SYNE2: variants seen among roughly 807,000 people sequenced by gnomAD.
The protein encoded by SYNE2 is spectrin repeat containing nuclear envelope protein 2.
Under a neutral mutation model 856.3 loss-of-function variants are expected in SYNE2, and 431 were observed. That is an observed-to-expected ratio of 0.50 (90% confidence interval 0.47 to 0.55). The LOEUF is 0.55. Among genes scored for constraint, SYNE2 ranks in the 20% least tolerant of loss-of-function variants. The pLI, the probability that SYNE2 is intolerant of heterozygous loss-of-function variation, is 0.00. For synonymous variants in SYNE2, 2,923 were observed against 2,872.3 expected, an observed-to-expected ratio of 1.02 and a Z score of -0.56; for missense variants, 8,129 against 8,023.2, an observed-to-expected ratio of 1.01 and a Z score of -0.50.
At chr14:64,013,273 T>A (rs1434393283) in intron 32 of SYNE2, among the ~76,000 whole-genome samples, 1 of 152,180 alleles carries the variant, frequency 6.6e-6, no homozygotes, top group African/African-American at 2.4e-5. Flanking sequence ...TGAAAATTTT[T>A]AAATTTAATT....
Position 64,165,413 on chromosome 14 carries a change from A to G in SYNE2, c.16605+3A>G. ...AAGAAAATCCTGACTCATTCCTGGT[A>G]TTGCCAATATTTGTCTTTTCTAAGG... On this transcript the variant is annotated splice_donor_region_variant and intron_variant, in intron 90 of 115. Coordinates refer to ENST00000555002, the MANE Select transcript of SYNE2 (RefSeq NM_182914.3). 1 of 1,613,464 alleles carries G rather than the reference A, an allele frequency of 6.2e-7. No homozygotes were observed. The highest frequency in any genetic ancestry group is 1.7e-4 in the Middle Eastern group (1 of 5,776).
chr14:63,818,740 C>T (rs1348064511), intron 1 of SYNE2, among the ~76,000 whole-genome samples: 3 of 149,068 alleles, frequency 2.0e-5, no homozygotes, highest in Non-Finnish European at 4.4e-5. Flanking sequence ...GCTCTGTCAC[C>T]CAGGCTGGAG....
In SYNE2 at chr14:63,925,152, G is replaced by T. The variant is rs534863848; in HGVS notation, c.80-15462G>T. On this transcript the variant is annotated intron_variant, in intron 2 of 115. Coordinates refer to ENST00000555002, the MANE Select transcript of SYNE2 (RefSeq NM_182914.3). ...ACCTGTCTCTAAAAATAAATAGATAGATAGATAGACAGATAGCCAGCCAGC... is the reference window on the plus strand; with the variant it reads ...ACCTGTCTCTAAAAATAAATAGATATATAGATAGACAGATAGCCAGCCAGC... Among the ~76,000 whole-genome samples, 8 of 151,674 alleles carry T rather than the reference G, an allele frequency of 5.3e-5. No homozygotes were observed. The East Asian group carries it at 1.6e-3, about 30-fold the overall frequency.
At chr14:64,164,219 C>T (rs773731151) in intron 89 of SYNE2, among the ~76,000 whole-genome samples, 5 of 152,108 alleles carry the variant, frequency 3.3e-5, no homozygotes, top group East Asian at 1.9e-4. Context: ...ATGCCATTCT[C>T]CTGCCTCAGC....
intron 1 of SYNE2, among the ~76,000 whole-genome samples, chr14:63,907,492 C>G (rs568972140): frequency 1.1e-4 from 16 of 152,142 alleles, no homozygotes; most frequent in Middle Eastern, 3.4e-3. Context: ...CTAACTCTTA[C>G]CATTGTTATA....
chr14:63,809,808 T>C (rs1888545493), intron 1 of SYNE2, among the ~76,000 whole-genome samples: 1 of 151,950 alleles, frequency 6.6e-6, no homozygotes, highest in East Asian at 1.9e-4. Context: ...GCTAATTAAG[T>C]ATTTTAAATC....
chr14:64,221,510 T>C (rs1429079872), intron 111 of SYNE2, 66 bp from the exon 112 acceptor site: 1 of 1,614,038 alleles, frequency 6.2e-7, no homozygotes, highest in African/African-American at 1.3e-5. Context: ...CAGTAAGCCA[T>C]GTTCCTGGCA....
chr14:64,130,015 A>G, intron 75 of SYNE2, 33 bp from the exon 76 acceptor site: 1 of 1,613,358 alleles, frequency 6.2e-7, no homozygotes. Flanking sequence ...GTTGGATGAA[A>G]ATGCATGTGT....
Position 63,832,372 on chromosome 14 carries a change from C to T in SYNE2, c.-304-20129C>T, listed in dbSNP as rs55909428. On this transcript the variant is annotated intron_variant, in intron 1 of 23. Coordinates refer to the SYNE2 transcript ENST00000674003. ...CCCAGGCTGGTCTGGAACTCCTGGGCTCAAGTGATCCTCCCACCTCGGCCT... is the reference window on the plus strand; with the variant it reads ...CCCAGGCTGGTCTGGAACTCCTGGGTTCAAGTGATCCTCCCACCTCGGCCT... Among the ~76,000 whole-genome samples, 5 of 151,938 alleles carry T rather than the reference C, an allele frequency of 3.3e-5. No homozygotes were observed. In the East Asian group the frequency reaches 1.0e-3, roughly 30 times the overall value.
At chr14:64,032,307 G>A (rs1441075012) in intron 45 of SYNE2, among the ~76,000 whole-genome samples, 2 of 152,114 alleles carry the variant, frequency 1.3e-5, no homozygotes, top group Non-Finnish European at 2.9e-5. Context: ...GGGCATGGTG[G>A]CTCACATCTG....
At chr14:63,826,609 T>A (rs1247326912) in intron 1 of SYNE2, among the ~76,000 whole-genome samples, 1 of 152,058 alleles carries the variant, frequency 6.6e-6, no homozygotes, top group Non-Finnish European at 1.5e-5. Context: ...CAACAATAGT[T>A]TTTTCAATGT....
intron 6 of SYNE2, 142 bp from the exon 7 acceptor site, chr14:63,949,683 G>C (rs1566887332): frequency 1.2e-6 from 1 of 854,214 alleles, no homozygotes; most frequent in Non-Finnish European, 2.0e-6. Flanking sequence ...GTTATTCAAG[G>C]ATTTGCCCAG....
At chr14:63,798,781 T>C (rs942549015) in intron 1 of SYNE2, among the ~76,000 whole-genome samples, 1 of 152,232 alleles carries the variant, frequency 6.6e-6, no homozygotes, top group Middle Eastern at 3.4e-3. Flanking sequence ...TCTCCAAGCA[T>C]GTTTAAGAGG....
chr14:64,177,259 C>G, intron 95 of SYNE2, 99 bp from the exon 96 acceptor site: 1 of 1,487,078 alleles, frequency 6.7e-7, no homozygotes, highest in South Asian at 1.2e-5. Context: ...TAAAAACAAA[C>G]TTAATAGAAA....
intron 62 of SYNE2, chr14:64,098,533 CAG>C: frequency 1.6e-6 from 1 of 619,136 alleles, no homozygotes; most frequent in East Asian, 2.8e-5. Context: ...TGAAGGGGCA[CAG>C]GGGGCCATGA....
rs886050600 is a variant in SYNE2, at chr14:64,224,446, G to T, written c.20383-15G>T. On this transcript the variant is annotated splice_polypyrimidine_tract_variant and intron_variant, in intron 113 of 115. Transcript: ENST00000555002. Reference sequence around the variant, plus strand: ...AACACATTTCTGTGCTCAACCTTTGGGGTCTGAATTTCAGAACCCAGCCTC... The same window carrying T: ...AACACATTTCTGTGCTCAACCTTTGTGGTCTGAATTTCAGAACCCAGCCTC... The T allele has an allele frequency of 3.7e-6, 6 of 1,601,092 alleles. No individual in the cohort carries two copies. Among genetic ancestry groups the T allele is most frequent in the East Asian group, 2.2e-5 (1 of 44,862 alleles).
intron 99 of SYNE2, among the ~76,000 whole-genome samples, chr14:64,198,644 C>G (rs151170116): frequency 1.6e-4 from 25 of 152,136 alleles, no homozygotes; most frequent in Admixed American, 7.2e-4. Flanking sequence ...ACCTTCCCCC[C>G]CTCTTTAACT....
intron 2 of SYNE2, among the ~76,000 whole-genome samples, chr14:63,915,263 T>C (rs957422718): frequency 6.6e-6 from 1 of 152,192 alleles, no homozygotes; most frequent in Non-Finnish European, 1.5e-5. Context: ...TTGAAAGTCA[T>C]AGTAACAAGC....
At position 64,144,958 on chromosome 14, in the gene SYNE2, G is replaced by T. The variant is rs1448424163; in HGVS notation, c.15483+1010G>T. Among the ~76,000 whole-genome samples, 3 of 131,358 alleles carry T rather than the reference G, an allele frequency of 2.3e-5. No homozygotes were observed. The Admixed American group carries it at 2.6e-4, about 12-fold the overall frequency. 86.2% of individuals were successfully genotyped at this position (131,358 alleles called of 152,430 possible). On this transcript the variant is annotated intron_variant, in intron 83 of 115. Transcript: ENST00000555002. The stretch of plus-strand genomic sequence containing the variant: ...TTTTTTTTTTTTGAGACAGAGTCTC[G>T]CCCTGTTGCCCAGGCTGGAGTGCAG...
Sources: gnomAD v4.1 joint callset for allele counts (sites outside exome capture counted in the v4.1 genomes callset) on GRCh38, gnomAD v4.1.1 for gene constraint, MANE v1.5 for transcripts, NCBI Gene and HGNC (gene_info 2026-07-23, HGNC 2026-07-21) for gene names.